The following LTBP2 variants were observed in gnomAD, a reference collection of about 807,000 sequenced individuals.
LTBP2 encodes latent-transforming growth factor beta-binding protein 2.
Under a neutral mutation model 210.6 loss-of-function variants are expected in LTBP2, and 103 were observed. The observed-to-expected ratio is 0.49, with a 90% CI of 0.42 to 0.58. LTBP2 has a LOEUF of 0.58. Ranked by LOEUF, LTBP2 falls within the 20% of genes least tolerant of loss-of-function variation. The probability of loss-of-function intolerance (pLI) is 0.00; values close to 1 mark genes in which losing one functional copy is unlikely to be tolerated. For missense variants in LTBP2, 2,313 were observed against 2,494.5 expected (o/e 0.93, Z 1.55); for synonymous variants, 1,007 against 1,015.0 (o/e 0.99, Z 0.15).
intron 18 of LTBP2, among the ~76,000 whole-genome samples, chr14:74,512,825 T>A (rs1257389110): frequency 6.6e-6 from 1 of 152,214 alleles, no homozygotes; most frequent in Non-Finnish European, 1.5e-5. Context: ...CCTTAACTAT[T>A]CTAAGGGCTT....
rs931969771 is a variant in LTBP2, at chr14:74,500,758, A to T, written c.*126T>A. 7.7e-6 allele frequency: 10 copies of T among 1,291,440 alleles called. No homozygotes were observed. In the African/African-American group the frequency reaches 1.3e-4, roughly 17 times the overall value. The allele number at this position is 1,291,440 out of a possible 1,614,324, so 80.0% of individuals were successfully genotyped here. ...AGGCTAAGCTGGGAGAGATGAAAGC[A>T]GGCAAGGCTGATTGGAAACCTCTGG... On this transcript the variant is annotated 3_prime_UTR_variant, in exon 36 of 36. Transcript: ENST00000261978.
intron 19 of LTBP2, 117 bp downstream of exon 19, chr14:74,511,127 AG>A: frequency 6.6e-7 from 1 of 1,511,900 alleles, no homozygotes. Context: ...TAGATCATGG[AG>A]GACAACAGCC....
chr14:74,563,416 C>T (rs976308006), intron 3 of LTBP2, among the ~76,000 whole-genome samples: 3 of 152,118 alleles, frequency 2.0e-5, no homozygotes, highest in Non-Finnish European at 2.9e-5. Context: ...CTTAAGTGTC[C>T]TTCAGTAGGG....
At chr14:74,516,049 C>T (rs2139703194) in intron 18 of LTBP2, among the ~76,000 whole-genome samples, 1 of 152,350 alleles carries the variant, frequency 6.6e-6, no homozygotes, top group South Asian at 2.1e-4. Flanking sequence ...CAGGCAAGTC[C>T]CAGCCAGGGA....
intron 20 of LTBP2, 111 bp downstream of exon 20, chr14:74,509,980 T>C (rs2087049180): frequency 6.2e-7 from 1 of 1,609,558 alleles, no homozygotes; most frequent in Admixed American, 1.7e-5. Context: ...TCAGTGTGAA[T>C]AGGGATGCAA....
chr14:74,553,548 G>A (rs1473778168), intron 4 of LTBP2, among the ~76,000 whole-genome samples: 1 of 152,214 alleles, frequency 6.6e-6, no homozygotes, highest in Non-Finnish European at 1.5e-5. Flanking sequence ...GATAAAGCCT[G>A]AAAGGATTAG....
intron 3 of LTBP2, among the ~76,000 whole-genome samples, chr14:74,556,081 C>T (rs1221619387): frequency 6.6e-6 from 1 of 152,198 alleles, no homozygotes; most frequent in African/African-American, 2.4e-5. Context: ...AAACCAAGTC[C>T]TGTACCTACT....
At chr14:74,518,698 T>A (rs1388565122) in intron 17 of LTBP2, among the ~76,000 whole-genome samples, 2 of 152,232 alleles carry the variant, frequency 1.3e-5, no homozygotes, top group Non-Finnish European at 2.9e-5. Flanking sequence ...ACTTGAGCAA[T>A]ACTTCATAAA....
At chr14:74,581,111 C>T (rs2088131079) in intron 3 of LTBP2, among the ~76,000 whole-genome samples, 1 of 152,162 alleles carries the variant, frequency 6.6e-6, no homozygotes, top group African/African-American at 2.4e-5. Flanking sequence ...AGGGTGGACA[C>T]TGGGGATGTC....
intron 3 of LTBP2, among the ~76,000 whole-genome samples, chr14:74,581,999 A>C (rs576128986): frequency 3.4e-4 from 51 of 150,914 alleles, no homozygotes; most frequent in African/African-American, 1.1e-3. Context: ...ATGTTGTGAC[A>C]AAGCCTGCCT....
intron 9 of LTBP2, among the ~76,000 whole-genome samples, chr14:74,533,415 TGGA>T (rs1159270314): frequency 1.3e-5 from 2 of 151,810 alleles, no homozygotes; most frequent in East Asian, 1.9e-4. Context: ...GGTTGGAAGG[TGGA>T]GAAGGGGCAG....
intron 1 of LTBP2, among the ~76,000 whole-genome samples, 179 bp from the exon 2 acceptor site, chr14:74,603,884 A>C (rs983575305): frequency 2.6e-5 from 4 of 152,180 alleles, no homozygotes; most frequent in Non-Finnish European, 5.9e-5. Context: ...CATTCTCTGC[A>C]CATCCCTGGG....
intron 8 of LTBP2, among the ~76,000 whole-genome samples, chr14:74,543,000 C>T (rs1034617424): frequency 6.6e-6 from 1 of 151,914 alleles, no homozygotes; most frequent in African/African-American, 2.4e-5. Flanking sequence ...AACTCCTGAC[C>T]TCGTGATCTG....
chr14:74,608,737 G>T (rs531405900), intron 1 of LTBP2, among the ~76,000 whole-genome samples: 2 of 129,444 alleles, frequency 1.5e-5, no homozygotes, highest in African/African-American at 6.2e-5. Context: ...AAGAAAAAAA[G>T]AAAGAAAGAA....
At chr14:74,574,705 G>A (rs1324970591) in intron 3 of LTBP2, among the ~76,000 whole-genome samples, 1 of 152,220 alleles carries the variant, frequency 6.6e-6, no homozygotes, top group Non-Finnish European at 1.5e-5. Flanking sequence ...ACCTGGGGCA[G>A]GGCTGGGAGG....
rs764088209 is a variant in LTBP2 at position 74,529,054 on chromosome 14, G to A, written c.2056C>T (p.Pro686Ser). Residue 686 changes from proline to serine, a missense_variant, in exon 11 of 36, where the codon CCT (proline) becomes TCT (serine). By Grantham distance (74) the Pro-to-Ser change is moderately conservative. This residue lies in a region of LTBP2 where 1,867 missense variants were observed against 1,976.9 expected (regional missense o/e 0.94). Transcript: ENST00000261978. ...RSLGPGTCTL[P>S]LAQRITKQIC... ...TGCTTGGTGATCCGCTGGGCCAAAG[G>A]CAGGGTGCAGGTGCCGGGCCCCAGC... 4 of 1,568,418 alleles carry A rather than the reference G, an allele frequency of 2.6e-6. No individual in the cohort carries two copies. Among genetic ancestry groups the A allele is most frequent in the Non-Finnish European group, 3.5e-6 (4 of 1,156,700 alleles).
intron 8 of LTBP2, among the ~76,000 whole-genome samples, chr14:74,539,037 G>A (rs2087458890): frequency 6.6e-6 from 1 of 152,274 alleles, no homozygotes; most frequent in Non-Finnish European, 1.5e-5. Flanking sequence ...ATGAGGAGCA[G>A]AAGGTGGGAA....
intron 35 of LTBP2, 61 bp from the exon 36 acceptor site, chr14:74,501,090 CCT>C (rs1261827255): frequency 2.6e-6 from 4 of 1,563,050 alleles, no homozygotes; most frequent in Non-Finnish European, 3.5e-6. Flanking sequence ...GCTGCCTCCA[CCT>C]CTCTGGTTAG....
At chr14:74,502,990 T>C in intron 33 of LTBP2, 56 bp from the exon 34 acceptor site, 1 of 1,597,504 alleles carries the variant, frequency 6.3e-7, no homozygotes, top group East Asian at 2.2e-5. Flanking sequence ...AGCTAAAGCC[T>C]GGCTGGCTTT....
Sources: allele counts gnomAD v4.1 joint callset (sites outside exome capture counted in the v4.1 genomes callset), GRCh38; gene constraint gnomAD v4.1.1; regional missense constraint gnomAD v4.1.1; transcripts MANE v1.5; gene names NCBI Gene and HGNC (gene_info 2026-07-23, HGNC 2026-07-21).